CBLC: variants seen among roughly 807,000 people sequenced by gnomAD.
CBLC encodes the protein E3 ubiquitin-protein ligase CBL-C.
CBLC carries 46 observed loss-of-function variants against 58.6 expected under a neutral mutation model. The observed-to-expected ratio is 0.79, with a 90% confidence interval of 0.62 to 1.00. The LOEUF is 1.00. CBLC is among the 50% of genes least tolerant of loss of function. The pLI is 0.00. For synonymous variants in CBLC, 271 were observed against 264.2 expected (o/e 1.03, Z -0.25); for missense variants, 655 against 625.8 (o/e 1.05, Z -0.50).
intron 9 of CBLC, among the ~76,000 whole-genome samples, 176 bp downstream of exon 9, chr19:44,794,457 CTTT>C (rs200824891): frequency 7.7e-5 from 6 of 78,346 alleles, no homozygotes; most frequent in Admixed American, 1.6e-4. Flanking sequence ...CTGGGACTTT[CTTT>C]TTTTTTTTTT....
At chr19:44,782,558 G>A (rs747961173) in intron 4 of CBLC, 67 bp downstream of exon 4, 55 of 1,330,376 alleles carry the variant, frequency 4.1e-5, no homozygotes, top group South Asian at 1.5e-4. Flanking sequence ...GGGCTGGTGC[G>A]TGGTGGAGCC....
chr19:44,799,856 AAAG>A (rs545207045), intron 9 of CBLC, among the ~76,000 whole-genome samples: 10 of 151,786 alleles, frequency 6.6e-5, no homozygotes, highest in South Asian at 4.2e-4. Flanking sequence ...AAAGAAAGAA[AAAG>A]AAGAAAAAAG....
In CBLC at chr19:44,800,268, C is replaced by T. The variant is rs916654543; in HGVS notation, c.1363-113C>T. 1.5e-5 allele frequency: 11 copies of T among 717,862 alleles called. No individual in the cohort carries two copies. The African/African-American group carries it at 1.9e-4, about 13-fold the overall frequency. 44.5% of individuals were successfully genotyped at this position (717,862 alleles called of 1,614,324 possible). Reference sequence around the variant, plus strand: ...CAGCCGCGCAGGAAGCCACCTCCAGCCCCCAGGTGGTCTGGGACTCCCAGG... The same window carrying T: ...CAGCCGCGCAGGAAGCCACCTCCAGTCCCCAGGTGGTCTGGGACTCCCAGG... On this transcript the variant is annotated intron_variant, in intron 9 of 10. Coordinates refer to ENST00000647358, the MANE Select transcript of CBLC (RefSeq NM_012116.4).
intron 3 of CBLC, among the ~76,000 whole-genome samples, chr19:44,781,643 GA>G (rs539232293): frequency 2.9e-5 from 4 of 138,912 alleles, no homozygotes; most frequent in African/African-American, 5.6e-5. Flanking sequence ...AGGGGCCGGG[GA>G]CCTGGACTCC....
intron 3 of CBLC, 150 bp from the exon 4 acceptor site, chr19:44,782,220 A>T (rs1967767487): frequency 1.7e-6 from 2 of 1,193,520 alleles, no homozygotes; most frequent in Non-Finnish European, 1.2e-6. Flanking sequence ...AGTTCTGGAG[A>T]AAGAAGAGCT....
Position 44,793,555 on chromosome 19 carries a change from C to A in CBLC, c.1219C>A (p.Gln407Lys). Residue 407 changes from glutamine (Q) to lysine (K), a missense_variant, in exon 8 of 11, where the codon CAG becomes AAG. This residue lies in a region of CBLC where 371 missense variants were observed against 370.8 expected (regional missense o/e 1.00). Coordinates refer to ENST00000647358, the MANE Select transcript of CBLC (RefSeq NM_012116.4). ...CGTGAGTATCTACCAGTTCCACGGTCAGGCTACTGCTGAGGACTCAGGGAA... is the reference window on the plus strand; with the variant it reads ...CGTGAGTATCTACCAGTTCCACGGTAAGGCTACTGCTGAGGACTCAGGGAA... ...EAVSIYQFHGQATAEDSGNSS... is the reference protein window; with the variant it reads ...EAVSIYQFHGKATAEDSGNSS... 1 of 1,611,418 alleles carries A rather than the reference C, an allele frequency of 6.2e-7. No homozygotes were observed. The highest frequency in any genetic ancestry group is 8.5e-7 in the Non-Finnish European group (1 of 1,179,272).
At chr19:44,794,959 CTTT>C (rs35703201) in intron 9 of CBLC, among the ~76,000 whole-genome samples, 32 of 136,326 alleles carry the variant, frequency 2.3e-4, no homozygotes, top group East Asian at 6.7e-4. Flanking sequence ...AATCCCAGTA[CTTT>C]TTTTTTTTTT....
Position 44,780,998 on chromosome 19 carries a change from C to T in CBLC, c.447C>T (p.Tyr149=). ...GGGGAAAGTACTGTGGACACATGTA[C>T]CAGCTCACCAAGGCCCCCGCCCACA... is the stretch of plus-strand genomic sequence containing the variant. ...FPGGKYCGHM[Y]QLTKAPAHTF... The change falls in exon 2 of 11, where the codon TAC becomes TAT. Residue 149 remains tyrosine (Y), a synonymous_variant. Coordinates refer to ENST00000647358, the MANE Select transcript of CBLC (RefSeq NM_012116.4). 1.2e-6 allele frequency: 2 copies of T among 1,613,558 alleles called. No individual in the cohort carries two copies. The highest frequency in any genetic ancestry group is 4.5e-5 in the East Asian group (2 of 44,886).
intron 9 of CBLC, among the ~76,000 whole-genome samples, chr19:44,797,159 A>C (rs1968195755): frequency 6.8e-6 from 1 of 148,012 alleles, no homozygotes; most frequent in Non-Finnish European, 1.5e-5. Flanking sequence ...ATTCCAGTCC[A>C]CTCCCACCTA....
chr19:44,800,434 C>T lies in CBLC; in HGVS notation c.1416C>T (p.Ala472=). The change falls in exon 10 of 11, where the codon GCC becomes GCT. Residue 472 remains alanine (A), a synonymous_variant. Coordinates refer to ENST00000647358, the MANE Select transcript of CBLC (RefSeq NM_012116.4). ...PPAALGPQDP[A]PA Reference sequence around the variant, plus strand: ...CTGCGCTGGGACCCCAGGACCCTGCCCCGGCCTGAAGGCCAGGTGAGTCCA... The same window carrying T: ...CTGCGCTGGGACCCCAGGACCCTGCTCCGGCCTGAAGGCCAGGTGAGTCCA... 6.2e-7 allele frequency: 1 copy of T among 1,612,386 alleles called. No homozygotes were observed.
intron 1 of CBLC, among the ~76,000 whole-genome samples, chr19:44,780,134 C>T (rs1279299687): frequency 6.6e-6 from 1 of 151,328 alleles, no homozygotes; most frequent in Non-Finnish European, 1.5e-5. Context: ...CAAAATTCAG[C>T]GTAATTTTTT....
intron 1 of CBLC, among the ~76,000 whole-genome samples, chr19:44,780,362 C>G (rs1967687403): frequency 6.6e-6 from 1 of 151,922 alleles, no homozygotes; most frequent in South Asian, 2.1e-4. Context: ...TCTCAAACTC[C>G]TGACCTCAAG....
chr19:44,792,288 C>A, intron 6 of CBLC, 95 bp from the exon 7 acceptor site: 2 of 1,430,604 alleles, frequency 1.4e-6, no homozygotes, highest in Non-Finnish European at 1.9e-6. Context: ...CCACCACAAC[C>A]AGCCGAGGTT....
At chr19:44,794,014 G>T (rs2122498101) in intron 8 of CBLC, 190 bp from the exon 9 acceptor site, 1 of 540,114 alleles carries the variant, frequency 1.9e-6, no homozygotes, top group East Asian at 1.5e-4. Flanking sequence ...CTGGTCTTTT[G>T]CTTCCCCAAG....
At chr19:44,794,959 C>CTT (rs35703201) in intron 9 of CBLC, among the ~76,000 whole-genome samples, 1 of 136,358 alleles carries the variant, frequency 7.3e-6, no homozygotes, top group Admixed American at 7.3e-5. Context: ...AATCCCAGTA[C>CTT]TTTTTTTTTT....
At chr19:44,797,067 C>CCTGATGGTGA (rs1333207854) in intron 9 of CBLC, among the ~76,000 whole-genome samples, 1 of 152,138 alleles carries the variant, frequency 6.6e-6, no homozygotes, top group Non-Finnish European at 1.5e-5. Flanking sequence ...GGACCTCGGG[C>CCTGATGGTGA]CTGATGGTGA....
rs141594020 is a variant in CBLC at position 44,800,355 on chromosome 19, G to A, written c.1363-26G>A. Reference sequence around the variant, plus strand: ...AAAGATTGGATGCCGGGAATCAACCGCCCTCTCAAAATATCTCCATTGCAG... The same window carrying A: ...AAAGATTGGATGCCGGGAATCAACCACCCTCTCAAAATATCTCCATTGCAG... On this transcript the variant is annotated intron_variant, in intron 9 of 10. Transcript: ENST00000647358. 288 of 1,539,748 alleles carry A rather than the reference G, an allele frequency of 1.9e-4. No individual in the cohort carries two copies. In the East Asian group the frequency reaches 6.4e-3, roughly 34 times the overall value.
intron 4 of CBLC, among the ~76,000 whole-genome samples, chr19:44,783,463 C>T (rs1967802039): frequency 6.6e-6 from 1 of 151,614 alleles, no homozygotes; most frequent in Non-Finnish European, 1.5e-5. Context: ...GAGCCAAGAT[C>T]ACGCCATTGC....
chr19:44,790,355 A>C (rs1968015150), intron 6 of CBLC, among the ~76,000 whole-genome samples: 1 of 152,192 alleles, frequency 6.6e-6, no homozygotes. Context: ...ATTTGCCAGC[A>C]ATAGCCCCGT....
Sources: allele counts gnomAD v4.1 joint callset (sites outside exome capture counted in the v4.1 genomes callset), GRCh38; gene constraint gnomAD v4.1.1; regional missense constraint gnomAD v4.1.1; transcripts MANE v1.5; gene names NCBI Gene and HGNC (gene_info 2026-07-23, HGNC 2026-07-21).